GPM6B: variants seen among roughly 807,000 people sequenced by gnomAD.
GPM6B encodes glycoprotein M6B.
Under a neutral mutation model 27.2 loss-of-function variants are expected in GPM6B, and 4 were observed. That is an observed-to-expected ratio of 0.15 (90% CI 0.07 to 0.34). GPM6B has a LOEUF of 0.34. GPM6B is among the 10% of genes least tolerant of loss of function. GPM6B has a pLI of 1.00. For missense variants in GPM6B, 183 were observed against 261.9 expected, an observed-to-expected ratio of 0.70 and a Z score of 2.08; for synonymous variants, 124 against 103.1, an observed-to-expected ratio of 1.20 and a Z score of -1.23.
chrX:13,844,242 C>A (rs753587022), intron 1 of GPM6B, among the ~76,000 whole-genome samples: 1 of 112,195 alleles, frequency 8.9e-6, no homozygotes, highest in Non-Finnish European at 1.9e-5. Flanking sequence ...TCAATGATAT[C>A]CTATTGATCT....
rs771546203 is a variant in GPM6B at position 13,837,710 on chromosome X, T to TGGG, written c.-197-51905_-197-51903dup. On this transcript the variant is annotated intron_variant, in intron 1 of 6. Transcript: ENST00000398361. ...GCTTTGCTTTTTCAAAGCAAGTTGGTGGGGGGGGGGGGGGGGGGAAGCAGA... is the reference window on the plus strand; with the variant it reads ...GCTTTGCTTTTTCAAAGCAAGTTGGTGGGGGGGGGGGGGGGGGGGGGAAGCAGA... 4.7e-3 allele frequency among the ~76,000 whole-genome samples: 53 copies of TGGG among 11,369 alleles called. 15 individuals are homozygous for TGGG. Among genetic ancestry groups the TGGG allele is most frequent in the Non-Finnish European group, 0.011 (38 of 3,564 alleles). 9.9% of individuals were successfully genotyped at this position (11,369 alleles called of 115,157 possible). A position where few individuals can be genotyped will look rare whatever the true frequency, so the allele number is the denominator to read the frequency against.
At chrX:13,923,109 G>T (rs546355767) in intron 1 of GPM6B, among the ~76,000 whole-genome samples, 11 of 110,856 alleles carry the variant, frequency 9.9e-5, no homozygotes, top group African/African-American at 3.6e-4. Context: ...CCAGGACGCA[G>T]AGGTTGCAAT....
chrX:13,924,200 T>C, intron 1 of GPM6B, among the ~76,000 whole-genome samples: 1 of 112,670 alleles, frequency 8.9e-6, no homozygotes. Context: ...CCAAATCACT[T>C]ACCGGGTGTG....
intron 1 of GPM6B, among the ~76,000 whole-genome samples, chrX:13,823,647 A>G (rs1603050936): frequency 9.1e-6 from 1 of 110,153 alleles, no homozygotes; most frequent in Non-Finnish European, 1.9e-5. Context: ...AGCCTCCCAA[A>G]TAGCTGGGAC....
At chrX:13,862,607 G>A (rs964154197) in intron 1 of GPM6B, among the ~76,000 whole-genome samples, 2 of 112,368 alleles carry the variant, frequency 1.8e-5, no homozygotes, top group Non-Finnish European at 3.8e-5. Flanking sequence ...TGGAAAATAA[G>A]CAATGAGAAA....
At chrX:13,810,138 C>A (rs752156064) in intron 1 of GPM6B, among the ~76,000 whole-genome samples, 48 of 110,473 alleles carry the variant, frequency 4.3e-4, no homozygotes, top group Middle Eastern at 9.2e-3. Context: ...AGAAAAAAAA[C>A]CCCCAAAAAA....
At chrX:13,896,726 C>T (rs187694203) in intron 1 of GPM6B, among the ~76,000 whole-genome samples, 26 of 110,779 alleles carry the variant, frequency 2.3e-4, no homozygotes, top group African/African-American at 6.6e-4. Context: ...TGCCACCACA[C>T]CCAGCTAATT....
At position 13,783,355 on chromosome X, in the gene GPM6B, T is replaced by A; in HGVS notation, c.525+10A>T. ...ATATCAAACAATCAGTTATCAGAGG[T>A]TCAACTCACCATTCCACTGATGCAT... On this transcript the variant is annotated intron_variant, in intron 4 of 7. Transcript: ENST00000316715. 1 of 1,165,036 alleles carries A rather than the reference T, an allele frequency of 8.6e-7. No homozygotes were observed. Among genetic ancestry groups the A allele is most frequent in the Non-Finnish European group, 1.1e-6 (1 of 869,702 alleles).
chrX:13,888,370 T>TA (rs2050157557), intron 1 of GPM6B, among the ~76,000 whole-genome samples: 1 of 108,446 alleles, frequency 9.2e-6, no homozygotes. Flanking sequence ...GAGAAACACT[T>TA]ACACATTTCT....
chrX:13,894,772 T>C (rs1199749230), intron 1 of GPM6B, among the ~76,000 whole-genome samples: 1 of 112,412 alleles, frequency 8.9e-6, no homozygotes, highest in Non-Finnish European at 1.9e-5. Context: ...CCACTTTACA[T>C]GTTATATCTT....
In GPM6B at chrX:13,772,757, G is replaced by T; in HGVS notation, c.*124C>A. On this transcript the variant is annotated 3_prime_UTR_variant, in exon 8 of 8. Transcript: ENST00000316715. ...CTAGAGATACATCCCAGCAGCTTGAGACAGACAGTGAAGTGTTTGTACATC... is the reference window on the plus strand; with the variant it reads ...CTAGAGATACATCCCAGCAGCTTGATACAGACAGTGAAGTGTTTGTACATC... 1 of 587,064 alleles carries T rather than the reference G, an allele frequency of 1.7e-6. No homozygotes were observed. Among genetic ancestry groups the T allele is most frequent in the Non-Finnish European group, 2.6e-6 (1 of 382,736 alleles). 48.4% of individuals were successfully genotyped at this position (587,064 alleles called of 1,213,427 possible).
chrX:13,825,965 A>G (rs927778937), intron 1 of GPM6B, among the ~76,000 whole-genome samples: 2 of 111,575 alleles, frequency 1.8e-5, no homozygotes, highest in African/African-American at 6.5e-5. Flanking sequence ...AGGAAGAGGA[A>G]ATAGAGGGAA....
intron 1 of GPM6B, among the ~76,000 whole-genome samples, chrX:13,857,185 C>T (rs1371871552): frequency 9.0e-6 from 1 of 111,366 alleles, no homozygotes; most frequent in Non-Finnish European, 1.9e-5. Context: ...AGATCCTTAA[C>T]TTAATCACAT....
intron 1 of GPM6B, among the ~76,000 whole-genome samples, chrX:13,903,955 A>G (rs907123538): frequency 9.0e-6 from 1 of 110,808 alleles, no homozygotes; most frequent in African/African-American, 3.3e-5. Flanking sequence ...GGATAGGATC[A>G]TTTGAGGAAG....
chrX:13,846,352 A>G lies in GPM6B; in HGVS notation c.-197-60544T>C, dbSNP rs1373319995. 2.7e-5 allele frequency among the ~76,000 whole-genome samples: 3 copies of G among 110,594 alleles called. No individual in the cohort carries two copies. In the South Asian group the frequency reaches 1.2e-3, roughly 43 times the overall value. On this transcript the variant is annotated intron_variant, in intron 1 of 6. Transcript: ENST00000398361. ...TGAACCAAAAACCAGACTTATTTCCAGTCCACTTCTTAGAAAAAGGTTGCT... is the reference window on the plus strand; with the variant it reads ...TGAACCAAAAACCAGACTTATTTCCGGTCCACTTCTTAGAAAAAGGTTGCT...
rs186495116 is a variant in GPM6B at position 13,880,397 on chromosome X, C to T, written c.-198+57930G>A. Reference sequence around the variant, plus strand: ...GACCATTTAAAAAGGCAAATCAGGCCGGGCGCGGTGGCTCACGCCTGTAAT... The same window carrying T: ...GACCATTTAAAAAGGCAAATCAGGCTGGGCGCGGTGGCTCACGCCTGTAAT... On this transcript the variant is annotated intron_variant, in intron 1 of 6. Coordinates refer to the GPM6B transcript ENST00000398361. 9.3e-3 allele frequency among the ~76,000 whole-genome samples: 1,036 copies of T among 111,030 alleles called. 15 individuals are homozygous for T. The highest frequency in any genetic ancestry group is 0.032 in the African/African-American group (986 of 30,441).
rs989582401 is a variant in GPM6B, at chrX:13,780,098, T to A, written c.526-109A>T. On this transcript the variant is annotated intron_variant, in intron 4 of 7. Transcript: ENST00000316715. Reference sequence around the variant, plus strand: ...GCCCAATACTGACCTGTGGAACACATTGTGGGGACCCTCGCCCCGGCATTG... The same window carrying A: ...GCCCAATACTGACCTGTGGAACACAATGTGGGGACCCTCGCCCCGGCATTG... 3 of 619,051 alleles carry A rather than the reference T, an allele frequency of 4.8e-6. No individual in the cohort carries two copies. The African/African-American group carries it at 6.7e-5, about 14-fold the overall frequency. 51.0% of individuals were successfully genotyped at this position (619,051 alleles called of 1,213,427 possible).
intron 1 of GPM6B, among the ~76,000 whole-genome samples, chrX:13,905,230 C>CAAAACA (rs2050318296): frequency 1.5e-5 from 1 of 64,745 alleles, no homozygotes; most frequent in Non-Finnish European, 2.9e-5. Context: ...GGCCCTGTCT[C>CAAAACA]AAAAAAAAAA....
chrX:13,891,428 C>A (rs889618115), intron 1 of GPM6B, among the ~76,000 whole-genome samples: 28 of 105,188 alleles, frequency 2.7e-4, no homozygotes, highest in African/African-American at 1.1e-3. Flanking sequence ...AAAAAAAAAC[C>A]AAACAACAAC....
Sources: gnomAD v4.1 joint callset for allele counts (sites outside exome capture counted in the v4.1 genomes callset) on GRCh38, gnomAD v4.1.1 for gene constraint, MANE v1.5 for transcripts, NCBI Gene and HGNC (gene_info 2026-07-23, HGNC 2026-07-21) for gene names.